Variants in AKAP19 observed in about 807,000 individuals in gnomAD.
The protein encoded by AKAP19 is small A-kinase anchoring protein.
chr2:190,091,023 A>T, the AKAP19 span: 1 of 152,214 alleles, frequency 6.6e-6, no homozygotes, highest in Admixed American at 6.5e-5. Flanking sequence ...TCAAAGGTGT[A>T]AGCCTTATAA....
At chr2:190,107,232 G>A in the AKAP19 span, among the ~76,000 whole-genome samples, 110 of 152,290 alleles carry the variant, frequency 7.2e-4, no homozygotes, top group Non-Finnish European at 1.3e-3. Context: ...TACTAGGTGT[G>A]TGACTTTTAG....
the AKAP19 span, among the ~76,000 whole-genome samples, chr2:189,963,198 TC>T: frequency 0.15 from 7,153 of 46,720 alleles, 267 homozygotes; most frequent in Non-Finnish European, 0.34. Flanking sequence ...GCTTCACTTC[TC>T]TTTTTTTTTT....
the AKAP19 span, among the ~76,000 whole-genome samples, chr2:189,938,750 G>C: frequency 6.6e-6 from 1 of 152,094 alleles, no homozygotes; most frequent in Non-Finnish European, 1.5e-5. Context: ...ATAAATGCTT[G>C]GGGGAATGGA....
the AKAP19 span, among the ~76,000 whole-genome samples, chr2:190,177,287 T>C: frequency 1.3e-5 from 2 of 152,166 alleles, no homozygotes; most frequent in East Asian, 1.9e-4. The surrounding 1 kb of genome is among the most constrained non-coding windows in gnomAD (Gnocchi z 4.6). Flanking sequence ...TTCTATTCTT[T>C]ATAAATCTTT....
At chr2:190,047,307 A>G in the AKAP19 span, among the ~76,000 whole-genome samples, 50 of 152,086 alleles carry the variant, frequency 3.3e-4, 1 homozygote, top group South Asian at 5.6e-3. Flanking sequence ...CTTCTTTCCC[A>G]TTTATTCCTT....
At chr2:189,994,177 A>AT in the AKAP19 span, among the ~76,000 whole-genome samples, 1 of 151,618 alleles carries the variant, frequency 6.6e-6, no homozygotes, top group South Asian at 2.1e-4. Context: ...CGCCTGGCTA[A>AT]TTTTTTGTAT....
the AKAP19 span, among the ~76,000 whole-genome samples, chr2:190,119,922 A>G: frequency 1.3e-5 from 2 of 152,358 alleles, no homozygotes; most frequent in East Asian, 1.9e-4. Context: ...GAATGTTGAC[A>G]TTGTTGCCAT....
chr2:190,154,379 T>A, the AKAP19 span, among the ~76,000 whole-genome samples: 1 of 152,242 alleles, frequency 6.6e-6, no homozygotes, highest in Admixed American at 6.5e-5. Context: ...ATCTGTCTTA[T>A]TTTTAGTGTA....
chr2:189,901,392 G>A, the AKAP19 span, among the ~76,000 whole-genome samples: 2 of 152,084 alleles, frequency 1.3e-5, no homozygotes, highest in African/African-American at 2.4e-5. Context: ...AGGCTGGAAT[G>A]CAGTGGCGTG....
chr2:190,062,186 C>A, the AKAP19 span: 2 of 1,604,230 alleles, frequency 1.2e-6, no homozygotes, highest in South Asian at 2.2e-5. Flanking sequence ...GAACAACAGT[C>A]AGCAGAACTG....
chr2:190,168,504 TC>T, the AKAP19 span, among the ~76,000 whole-genome samples: 1 of 152,000 alleles, frequency 6.6e-6, no homozygotes, highest in Non-Finnish European at 1.5e-5. Flanking sequence ...CTTGAATTTC[TC>T]CTCAGAAAAT....
chr2:190,188,194 A>G, the AKAP19 span, among the ~76,000 whole-genome samples: 1 of 152,198 alleles, frequency 6.6e-6, no homozygotes, highest in African/African-American at 2.4e-5. Flanking sequence ...TTTTGGAAGC[A>G]CTTACATTCT....
chr2:190,148,094 A>C, the AKAP19 span, among the ~76,000 whole-genome samples: 1 of 152,100 alleles, frequency 6.6e-6, no homozygotes, highest in African/African-American at 2.4e-5. Context: ...CAGTTCTCAG[A>C]GGTAATGCTT....
At chr2:190,092,605 A>G in the AKAP19 span, among the ~76,000 whole-genome samples, 2 of 152,172 alleles carry the variant, frequency 1.3e-5, no homozygotes, top group Non-Finnish European at 2.9e-5. Flanking sequence ...ACCTCAGAAC[A>G]ATATGTATAT....
At chr2:190,046,119 T>C in the AKAP19 span, among the ~76,000 whole-genome samples, 7 of 152,290 alleles carry the variant, frequency 4.6e-5, no homozygotes, top group Non-Finnish European at 8.8e-5. Context: ...GGTCAAGTTG[T>C]TTCCTTGATT....
chr2:190,025,672 A>T, the AKAP19 span, among the ~76,000 whole-genome samples: 9 of 152,160 alleles, frequency 5.9e-5, no homozygotes, highest in African/African-American at 1.9e-4. Flanking sequence ...TCTGCGCAAT[A>T]CCAGACTTTG....
At chr2:189,953,449 A>G in the AKAP19 span, among the ~76,000 whole-genome samples, 1 of 152,152 alleles carries the variant, frequency 6.6e-6, no homozygotes, top group East Asian at 1.9e-4. Context: ...AGCCTGGCCA[A>G]CATGGTGAAA....
the AKAP19 span, among the ~76,000 whole-genome samples, chr2:189,938,125 A>G: frequency 6.6e-6 from 1 of 151,970 alleles, no homozygotes; most frequent in African/African-American, 2.4e-5. Flanking sequence ...TGCCTGAGCT[A>G]AGGAGTTCGA....
chr2:190,146,289 A>G, the AKAP19 span, among the ~76,000 whole-genome samples: 1 of 152,182 alleles, frequency 6.6e-6, no homozygotes, highest in Non-Finnish European at 1.5e-5. Flanking sequence ...CTCCAATCTT[A>G]TCCAGGTCAC....
Sources: allele counts gnomAD v4.1 joint callset (sites outside exome capture counted in the v4.1 genomes callset), GRCh38; gene constraint gnomAD v4.1.1; non-coding constraint Gnocchi (gnomAD v3.1); transcripts MANE v1.5; gene names NCBI Gene and HGNC (gene_info 2026-07-23, HGNC 2026-07-21).